The following FAM120C variants were observed in gnomAD, a reference collection of about 807,000 sequenced individuals.
FAM120C encodes the protein constitutive coactivator of PPAR-gamma-like protein 2.
FAM120C carries 14 observed loss-of-function variants against 71.2 expected under a neutral mutation model. The ratio of observed to expected loss-of-function variants is 0.20; its 90% CI spans 0.13 to 0.31. The LOEUF is 0.31. FAM120C is among the 10% of genes least tolerant of loss of function. FAM120C has a pLI of 1.00. For missense variants in FAM120C, 500 were observed against 879.0 expected, an observed-to-expected ratio of 0.57 and a Z score of 5.45; for synonymous variants, 354 against 353.2, an observed-to-expected ratio of 1.00 and a Z score of -0.03.
At chrX:54,117,158 A>C (rs1557126699) in intron 9 of FAM120C, among the ~76,000 whole-genome samples, 1 of 107,473 alleles carries the variant, frequency 9.3e-6, no homozygotes, top group Non-Finnish European at 1.9e-5. Context: ...CAGGAGTACA[A>C]GACCAGCCCC....
intron 9 of FAM120C, among the ~76,000 whole-genome samples, chrX:54,118,608 A>T (rs2066986341): frequency 9.5e-6 from 1 of 104,817 alleles, no homozygotes; most frequent in Non-Finnish European, 1.9e-5. Flanking sequence ...CCTCTCCGGG[A>T]TATGGTATTA....
intron 10 of FAM120C, among the ~76,000 whole-genome samples, chrX:54,094,265 T>C (rs184341759): frequency 4.7e-5 from 5 of 107,310 alleles, no homozygotes; most frequent in Non-Finnish European, 7.7e-5. Context: ...GCCTGGCTAA[T>C]TTTTTGTATT....
intron 4 of FAM120C, among the ~76,000 whole-genome samples, chrX:54,144,291 CAT>C (rs1381709536): frequency 1.8e-5 from 2 of 111,181 alleles, no homozygotes; most frequent in Non-Finnish European, 3.8e-5. Context: ...TCCTATTCAA[CAT>C]AGTGTTGGAA....
At chrX:54,089,903 G>A (rs782265909) in intron 11 of FAM120C, among the ~76,000 whole-genome samples, 1 of 109,486 alleles carries the variant, frequency 9.1e-6, no homozygotes, top group South Asian at 4.1e-4. Context: ...AGGTTGTGGT[G>A]AGCCGAGATC....
chrX:54,160,757 C>A (rs138397627), intron 1 of FAM120C, among the ~76,000 whole-genome samples: 52 of 111,248 alleles, frequency 4.7e-4, no homozygotes, highest in African/African-American at 1.7e-3. Flanking sequence ...CTCACAACAA[C>A]CTTGTGAGGG....
intron 9 of FAM120C, among the ~76,000 whole-genome samples, chrX:54,127,293 T>C (rs782020284): frequency 1.8e-5 from 2 of 110,595 alleles, no homozygotes; most frequent in African/African-American, 3.3e-5. Context: ...ATCCCTTTTC[T>C]TTTTAAGAGA....
intron 1 of FAM120C, 58 bp downstream of exon 1, chrX:54,182,442 T>C (rs1447172980): frequency 8.9e-7 from 1 of 1,118,152 alleles, no homozygotes; most frequent in East Asian, 3.2e-5. Context: ...TGGTTAGGTA[T>C]TTAGTTGGGA....
intron 10 of FAM120C, among the ~76,000 whole-genome samples, chrX:54,105,068 A>G (rs1409075447): frequency 9.0e-6 from 1 of 111,649 alleles, no homozygotes; most frequent in East Asian, 2.8e-4. Flanking sequence ...TGAGGCCAGC[A>G]TCTTCCTGAA....
At chrX:54,097,776 G>GA (rs1282754179) in intron 10 of FAM120C, among the ~76,000 whole-genome samples, 3 of 110,784 alleles carry the variant, frequency 2.7e-5, no homozygotes, top group African/African-American at 9.8e-5. Context: ...ACCCAGGCTG[G>GA]AGTGCAGTGG....
chrX:54,073,582 C>T (rs1023646696), intron 15 of FAM120C, among the ~76,000 whole-genome samples: 5 of 109,988 alleles, frequency 4.5e-5, no homozygotes, highest in Admixed American at 3.9e-4. Flanking sequence ...CAGGCGCCCA[C>T]CACCATGCCT....
intron 4 of FAM120C, among the ~76,000 whole-genome samples, chrX:54,148,730 A>G (rs995020773): frequency 8.9e-6 from 1 of 112,079 alleles, no homozygotes; most frequent in African/African-American, 3.2e-5. Flanking sequence ...TAGAACAGCT[A>G]TAAAAAACAC....
At chrX:54,089,224 GAC>G (rs1244687823) in intron 11 of FAM120C, among the ~76,000 whole-genome samples, 4 of 111,200 alleles carry the variant, frequency 3.6e-5, no homozygotes, top group Non-Finnish European at 5.7e-5. Flanking sequence ...AAATTTTTAA[GAC>G]ACAGAAAATA....
chrX:54,180,742 C>T (rs782571307), intron 1 of FAM120C, among the ~76,000 whole-genome samples: 3 of 111,765 alleles, frequency 2.7e-5, no homozygotes, highest in East Asian at 2.8e-4. Context: ...AAGCCCGTGC[C>T]TCAGTTTCCT....
chrX:54,176,133 A>G (rs1344364728), intron 1 of FAM120C, among the ~76,000 whole-genome samples: 3 of 111,505 alleles, frequency 2.7e-5, no homozygotes, highest in Non-Finnish European at 5.6e-5. Context: ...GTTTTTGGCT[A>G]TAAAAAGTAG....
At position 54,070,954 on chromosome X, in the gene FAM120C, G is replaced by A. The variant is rs1274435751; in HGVS notation, c.*2079C>T. The A allele has an allele frequency of 3.6e-5, 4 of 111,929 alleles. No homozygotes were observed. Among genetic ancestry groups the A allele is most frequent in the Non-Finnish European group, 5.6e-5 (3 of 53,219 alleles). The allele number at this position is 111,929 out of a possible 1,213,427, so 9.2% of individuals were successfully genotyped here. On this transcript the variant is annotated 3_prime_UTR_variant, in exon 16 of 16. Coordinates refer to ENST00000375180, the MANE Select transcript of FAM120C (RefSeq NM_017848.6). The stretch of plus-strand genomic sequence containing the variant: ...ATTTCCTATGATCTGGTCATTGTAA[G>A]TGGGCAGTAAGCAAATAGCCTTCTG...
At chrX:54,149,227 C>A (rs782544411) in intron 4 of FAM120C, among the ~76,000 whole-genome samples, 208 of 112,377 alleles carry the variant, frequency 1.9e-3, no homozygotes, top group African/African-American at 6.3e-3. Context: ...ACTGGCATAT[C>A]CATGCAATGA....
chrX:54,073,433 C>CTTTT, intron 15 of FAM120C, 146 bp from the exon 16 acceptor site: 1 of 418,984 alleles, frequency 2.4e-6, no homozygotes, highest in Non-Finnish European at 3.7e-6. Context: ...CTAGTACAAT[C>CTTTT]TTTTTTTTTT....
At chrX:54,106,536 A>G (rs191610245) in intron 10 of FAM120C, among the ~76,000 whole-genome samples, 10 of 112,352 alleles carry the variant, frequency 8.9e-5, no homozygotes, top group Non-Finnish European at 1.9e-5. Context: ...AAGCAATGGC[A>G]ACAAAAGCCA....
At chrX:54,169,607 CA>C (rs2067277245) in intron 1 of FAM120C, among the ~76,000 whole-genome samples, 1 of 111,710 alleles carries the variant, frequency 9.0e-6, no homozygotes, top group Non-Finnish European at 1.9e-5. Context: ...CTAAATACAC[CA>C]AACTAGTGAC....
Sources: gnomAD v4.1 joint callset for allele counts (sites outside exome capture counted in the v4.1 genomes callset) on GRCh38, gnomAD v4.1.1 for gene constraint, MANE v1.5 for transcripts, NCBI Gene and HGNC (gene_info 2026-07-23, HGNC 2026-07-21) for gene names.